The following CYYR1 variants were observed in gnomAD, a reference collection of about 807,000 sequenced individuals.
CYYR1 encodes the protein cysteine and tyrosine rich 1, also known as cysteine and tyrosine-rich protein 1.
CYYR1 carries 14 observed loss-of-function variants against 15.2 expected under a neutral mutation model. The observed-to-expected ratio is 0.92, with a 90% CI of 0.61 to 1.44. The LOEUF is 1.44. Ranked by LOEUF, CYYR1 falls within the 40% of genes most tolerant of loss-of-function variation. The probability of loss-of-function intolerance (pLI) is 0.00; values close to 1 mark genes in which losing one functional copy is unlikely to be tolerated. For missense variants in CYYR1, 228 were observed against 209.5 expected, an observed-to-expected ratio of 1.09 and a Z score of -0.54; for synonymous variants, 80 against 77.4, an observed-to-expected ratio of 1.03 and a Z score of -0.18.
chr21:26,565,896 T>C (rs13433431), intron 2 of CYYR1, among the ~76,000 whole-genome samples: 4,621 of 152,242 alleles, frequency 0.03, 85 homozygotes, highest in Middle Eastern at 0.088. Flanking sequence ...AAACTGGCTA[T>C]AATTAAATAA....
At chr21:26,527,881 G>A (rs961702126) in intron 2 of CYYR1, among the ~76,000 whole-genome samples, 1 of 152,134 alleles carries the variant, frequency 6.6e-6, no homozygotes, top group Non-Finnish European at 1.5e-5. Context: ...TGAAGGCTAA[G>A]CCATCATTAC....
Position 26,566,368 on chromosome 21 carries a change from T to C in CYYR1, c.74A>G (p.Asp25Gly). The part of the protein sequence containing the change: ...PKLVLLFVYA[D>G]DCLAQCGKDC... ...TTTGCCACACTGAGCAAGGCAATCA[T>C]CTACAAAACAAAAACCACTTGTGAG... is the stretch of plus-strand genomic sequence containing the variant. The change falls in exon 2 of 4, where the codon GAT becomes GGT. Residue 25 changes from aspartate to glycine, a missense_variant and splice_region_variant. By Grantham distance (94) the Asp-to-Gly change is moderately conservative. Transcript: ENST00000652641. 2 of 1,611,614 alleles carry C rather than the reference T, an allele frequency of 1.2e-6. No individual in the cohort carries two copies. Among genetic ancestry groups the C allele is most frequent in the Non-Finnish European group, 1.7e-6 (2 of 1,178,188 alleles).
intron 2 of CYYR1, among the ~76,000 whole-genome samples, chr21:26,546,580 C>G (rs1434053423): frequency 6.6e-6 from 1 of 152,164 alleles, no homozygotes; most frequent in African/African-American, 2.4e-5. Flanking sequence ...AATTCCACTT[C>G]CCCCAACTGG....
At chr21:26,555,501 G>C (rs1979708842) in intron 2 of CYYR1, among the ~76,000 whole-genome samples, 1 of 152,106 alleles carries the variant, frequency 6.6e-6, no homozygotes, top group South Asian at 2.1e-4. Context: ...AAAGTAATTT[G>C]TCATGTTTTT....
At chr21:26,549,877 C>G (rs1047018240) in intron 2 of CYYR1, among the ~76,000 whole-genome samples, 7 of 152,156 alleles carry the variant, frequency 4.6e-5, no homozygotes, top group Non-Finnish European at 1.5e-5. Flanking sequence ...CCGTGTAAGT[C>G]AGTATAAACA....
At chr21:26,556,024 TA>T (rs531305847) in intron 2 of CYYR1, among the ~76,000 whole-genome samples, 44 of 152,304 alleles carry the variant, frequency 2.9e-4, no homozygotes, top group Non-Finnish European at 5.4e-4. Flanking sequence ...GAGGTTAAAT[TA>T]TTATAATCAA....
chr21:26,566,747 C>T (rs189149263), intron 1 of CYYR1, among the ~76,000 whole-genome samples: 105 of 152,218 alleles, frequency 6.9e-4, no homozygotes, highest in African/African-American at 2.3e-3. Flanking sequence ...AAATGGCTCA[C>T]GCATGTAATC....
chr21:26,520,586 T>C (rs980014223), intron 2 of CYYR1, among the ~76,000 whole-genome samples: 1 of 152,196 alleles, frequency 6.6e-6, no homozygotes, highest in African/African-American at 2.4e-5. Flanking sequence ...TTCCTTTGGG[T>C]ATATACCCAG....
At chr21:26,510,720 C>G (rs1231015246) in intron 2 of CYYR1, among the ~76,000 whole-genome samples, 2 of 152,062 alleles carry the variant, frequency 1.3e-5, no homozygotes, top group Non-Finnish European at 2.9e-5. Flanking sequence ...GATTTGAGTA[C>G]TAAGTACATT....
intron 2 of CYYR1, among the ~76,000 whole-genome samples, chr21:26,514,275 G>A (rs2065690900): frequency 6.6e-6 from 1 of 152,144 alleles, no homozygotes; most frequent in African/African-American, 2.4e-5. Flanking sequence ...CCCAGTGTTG[G>A]AAGTGGAGCC....
chr21:26,500,264 T>C (rs1380189185), intron 2 of CYYR1, among the ~76,000 whole-genome samples: 2 of 152,146 alleles, frequency 1.3e-5, no homozygotes, highest in Non-Finnish European at 2.9e-5. Flanking sequence ...TGGGCTGCAA[T>C]ATATAAATTT....
chr21:26,505,019 T>C (rs2065535853), intron 2 of CYYR1, among the ~76,000 whole-genome samples: 1 of 152,192 alleles, frequency 6.6e-6, no homozygotes, highest in African/African-American at 2.4e-5. Flanking sequence ...GTTTAAGAAG[T>C]TAGGAACATA....
chr21:26,542,876 G>A (rs1323771952), intron 2 of CYYR1, among the ~76,000 whole-genome samples: 1 of 152,138 alleles, frequency 6.6e-6, no homozygotes, highest in African/African-American at 2.4e-5. Flanking sequence ...CCATGTATTA[G>A]GGTGTTAAGA....
At chr21:26,485,173 A>T (rs999973930) in intron 2 of CYYR1, among the ~76,000 whole-genome samples, 1 of 152,022 alleles carries the variant, frequency 6.6e-6, no homozygotes, top group African/African-American at 2.4e-5. Flanking sequence ...AGGTTTGCAC[A>T]TTTTCCTCTC....
chr21:26,480,672 A>G (rs2065167934), intron 2 of CYYR1, among the ~76,000 whole-genome samples: 1 of 152,068 alleles, frequency 6.6e-6, no homozygotes, highest in Non-Finnish European at 1.5e-5. Context: ...CCGTTGACCA[A>G]TTCATCATTC....
chr21:26,556,924 C>T (rs1003113281), intron 2 of CYYR1, among the ~76,000 whole-genome samples: 1 of 152,064 alleles, frequency 6.6e-6, no homozygotes, highest in Non-Finnish European at 1.5e-5. Flanking sequence ...CAAAATATAG[C>T]GTTTAGGTCT....
chr21:26,499,840 T>G (rs533611899), intron 2 of CYYR1, among the ~76,000 whole-genome samples: 1 of 151,584 alleles, frequency 6.6e-6, no homozygotes, highest in East Asian at 1.9e-4. Flanking sequence ...ATTTTTGTTT[T>G]TTTTTTTTTT....
intron 2 of CYYR1, among the ~76,000 whole-genome samples, chr21:26,505,658 A>G (rs1355121016): frequency 6.6e-6 from 1 of 152,214 alleles, no homozygotes; most frequent in Non-Finnish European, 1.5e-5. Context: ...CAATATAATC[A>G]TAAAGTTGGA....
At chr21:26,522,738 A>T (rs2065817171) in intron 2 of CYYR1, among the ~76,000 whole-genome samples, 1 of 151,970 alleles carries the variant, frequency 6.6e-6, no homozygotes, top group South Asian at 2.1e-4. Context: ...ACAGCTGATG[A>T]TCATATACAG....
Sources: allele counts gnomAD v4.1 joint callset (sites outside exome capture counted in the v4.1 genomes callset), GRCh38; gene constraint gnomAD v4.1.1; transcripts MANE v1.5; gene names NCBI Gene and HGNC (gene_info 2026-07-23, HGNC 2026-07-21).